CAPZB: variants seen among roughly 807,000 people sequenced by gnomAD.
CAPZB encodes F-actin-capping protein subunit beta.
Under a neutral mutation model 38.1 loss-of-function variants are expected in CAPZB, and 2 were observed. That is an observed-to-expected ratio of 0.05 (90% CI 0.02 to 0.17). The LOEUF (loss-of-function observed/expected upper bound fraction) is 0.17, where lower values mean the gene tolerates loss of function less well. Among genes scored for constraint, CAPZB ranks in the 10% least tolerant of loss-of-function variants. The probability of loss-of-function intolerance (pLI) is 1.00; values close to 1 mark genes in which losing one functional copy is unlikely to be tolerated. For synonymous variants in CAPZB, 107 were observed against 127.4 expected, an observed-to-expected ratio of 0.84 and a Z score of 1.08; for missense variants, 161 against 334.2, an observed-to-expected ratio of 0.48 and a Z score of 4.04.
At chr1:19,428,436 A>G (rs995582708) in intron 1 of CAPZB, among the ~76,000 whole-genome samples, 2 of 152,144 alleles carry the variant, frequency 1.3e-5, no homozygotes, top group Non-Finnish European at 2.9e-5. Context: ...AAAAAAGAAA[A>G]AGAAAAATAA....
chr1:19,477,220 T>C (rs1324387884), intron 1 of CAPZB, among the ~76,000 whole-genome samples: 2 of 152,066 alleles, frequency 1.3e-5, no homozygotes, highest in African/African-American at 4.8e-5. Context: ...GTGCCATGAG[T>C]GCACTCCTCA....
chr1:19,362,526 C>G (rs775404022), intron 4 of CAPZB, among the ~76,000 whole-genome samples: 4 of 152,162 alleles, frequency 2.6e-5, no homozygotes, highest in Non-Finnish European at 4.4e-5. Flanking sequence ...GGTCAAGAAC[C>G]TCTTTTAAAC....
chr1:19,412,067 C>T (rs1035687195), intron 2 of CAPZB, among the ~76,000 whole-genome samples: 15 of 152,358 alleles, frequency 9.8e-5, no homozygotes, highest in African/African-American at 3.6e-4. Flanking sequence ...AGACTCACCA[C>T]AATTTTCCAA....
At chr1:19,476,489 G>A (rs886352584) in intron 1 of CAPZB, among the ~76,000 whole-genome samples, 1 of 152,210 alleles carries the variant, frequency 6.6e-6, no homozygotes, top group African/African-American at 2.4e-5. Flanking sequence ...ATGGTGACCA[G>A]GGCTGGGATG....
intron 4 of CAPZB, among the ~76,000 whole-genome samples, chr1:19,368,733 C>T (rs1156846141): frequency 6.6e-6 from 1 of 150,880 alleles, no homozygotes; most frequent in Non-Finnish European, 1.5e-5. Flanking sequence ...GGTGGTGGGA[C>T]CATAGTTCAC....
At chr1:19,380,275 C>T (rs1485872885) in intron 3 of CAPZB, among the ~76,000 whole-genome samples, 1 of 152,206 alleles carries the variant, frequency 6.6e-6, no homozygotes, top group Non-Finnish European at 1.5e-5. Context: ...TCCTGATCAC[C>T]TCAAAGCAGA....
At chr1:19,348,085 T>C (rs2093971751) in intron 6 of CAPZB, among the ~76,000 whole-genome samples, 1 of 152,140 alleles carries the variant, frequency 6.6e-6, no homozygotes, top group African/African-American at 2.4e-5. Flanking sequence ...TGTGCAACTT[T>C]AAGGTGCACA....
chr1:19,403,610 T>G (rs61766719), intron 2 of CAPZB, among the ~76,000 whole-genome samples: 4 of 152,210 alleles, frequency 2.6e-5, no homozygotes, highest in Non-Finnish European at 5.9e-5. Context: ...TTATCCGAAG[T>G]GCATTTTGGC....
chr1:19,348,766 G>C (rs929983426), intron 6 of CAPZB, among the ~76,000 whole-genome samples: 1 of 135,384 alleles, frequency 7.4e-6, no homozygotes, highest in Admixed American at 7.2e-5. Flanking sequence ...ACAAGGGGGG[G>C]GGGCGGTCTA....
At chr1:19,392,050 G>C (rs1184366026) in intron 2 of CAPZB, among the ~76,000 whole-genome samples, 2 of 152,146 alleles carry the variant, frequency 1.3e-5, no homozygotes, top group Non-Finnish European at 2.9e-5. Context: ...AGGTGTGGTG[G>C]TGCATGCCTA....
intron 4 of CAPZB, 42 bp downstream of exon 4, chr1:19,378,498 A>G (rs1483593120): frequency 1.7e-6 from 2 of 1,151,716 alleles, no homozygotes. Context: ...TTACCTCTCA[A>G]AACTCACAAG....
rs144393324 is a variant in CAPZB, at chr1:19,378,304, C to T, written c.329+236G>A. 1.1e-4 allele frequency among the ~76,000 whole-genome samples: 17 copies of T among 152,258 alleles called. No individual in the cohort carries two copies. In the South Asian group the frequency reaches 1.7e-3, roughly 15 times the overall value. ...GTGAAGTCTGGTAGCATTCTATGAC[C>T]GAGTCATCTCATAACCAACCCAACC... On this transcript the variant is annotated intron_variant, in intron 4 of 8. Coordinates refer to ENST00000264202, the MANE Select transcript of CAPZB (RefSeq NM_004930.5).
rs764104988 is a variant in CAPZB at position 19,385,615 on chromosome 1, T to C, written c.105A>G (p.Leu35=). 11 of 1,613,990 alleles carry C rather than the reference T, an allele frequency of 6.8e-6. No homozygotes were observed. In the Middle Eastern group the frequency reaches 4.9e-4, roughly 72 times the overall value. ...LSDLIDLVPS[L]CEDLLSSVDQ... ...CAACAGAAGACAGGAGATCCTCACA[T>C]AGACTGGGGACCTGGCAGAGAGAAA... Residue 35 remains leucine (L), a synonymous_variant, in exon 3 of 9, where the codon CTA becomes CTG. Coordinates refer to ENST00000264202, the MANE Select transcript of CAPZB (RefSeq NM_004930.5).
At chr1:19,479,663 G>A (rs2094620522) in intron 1 of CAPZB, among the ~76,000 whole-genome samples, 1 of 152,084 alleles carries the variant, frequency 6.6e-6, no homozygotes, top group South Asian at 2.1e-4. Flanking sequence ...CTCACAAGCT[G>A]ATGCTTGTGG....
Position 19,357,395 on chromosome 1 carries a change from G to A in CAPZB, c.471+27C>T, listed in dbSNP as rs766864230. 8.7e-6 allele frequency: 14 copies of A among 1,611,286 alleles called. No homozygotes were observed. The highest frequency in any genetic ancestry group is 1.3e-5 in the African/African-American group (1 of 74,818). On this transcript the variant is annotated intron_variant, in intron 5 of 8. Transcript: ENST00000264202. The surrounding 1 kb of genome is among the most constrained non-coding windows in gnomAD (Gnocchi z 4.3). ...GTGTGCCATCTGTACTTAGTGGCCC[G>A]GGCCACCAGCTGCTGGGAGGCAGTA...
At chr1:19,473,825 T>C (rs12063977) in intron 1 of CAPZB, among the ~76,000 whole-genome samples, 3,305 of 151,984 alleles carry the variant, frequency 0.022, 122 homozygotes, top group African/African-American at 0.074. Context: ...GACCACGCCA[T>C]TGCACTCCAG....
At chr1:19,476,480 T>C (rs923786732) in intron 1 of CAPZB, among the ~76,000 whole-genome samples, 2 of 152,236 alleles carry the variant, frequency 1.3e-5, no homozygotes, top group African/African-American at 2.4e-5. Context: ...ACACTGTATA[T>C]GGTGACCAGG....
intron 8 of CAPZB, among the ~76,000 whole-genome samples, chr1:19,341,518 G>A (rs1446064448): frequency 6.6e-6 from 1 of 152,160 alleles, no homozygotes; most frequent in Non-Finnish European, 1.5e-5. Flanking sequence ...AGGAGCAGGG[G>A]GCTTATTTAA....
Position 19,462,990 on chromosome 1 carries a change from G to A in CAPZB, c.3+22446C>T, listed in dbSNP as rs559714223. Among the ~76,000 whole-genome samples the A allele has an allele frequency of 3.9e-5, 6 of 152,352 alleles. No homozygotes were observed. The South Asian group carries it at 1.2e-3, about 32-fold the overall frequency. On this transcript the variant is annotated intron_variant, in intron 1 of 8. Transcript: ENST00000264202. ...GATATAGAACATTTCCATCATCACA[G>A]AAAGTTCCAGTGGACAGCACAGCTG...
Sources: allele counts gnomAD v4.1 joint callset (sites outside exome capture counted in the v4.1 genomes callset), GRCh38; gene constraint gnomAD v4.1.1; non-coding constraint Gnocchi (gnomAD v3.1); transcripts MANE v1.5; gene names NCBI Gene and HGNC (gene_info 2026-07-23, HGNC 2026-07-21).